The following DAB1 variants were observed in gnomAD, a reference collection of about 807,000 sequenced individuals.
The protein encoded by DAB1 is DAB adaptor protein 1.
In DAB1, 15 loss-of-function variants were observed where a neutral mutation model predicts 64.6. The ratio of observed to expected loss-of-function variants is 0.23; its 90% confidence interval spans 0.16 to 0.36. DAB1 has a LOEUF of 0.36. Among genes scored for constraint, DAB1 ranks in the 10% least tolerant of loss-of-function variants. The pLI is 1.00. For missense variants in DAB1, 596 were observed against 706.7 expected (o/e 0.84, Z 1.78); for synonymous variants, 235 against 251.9 (o/e 0.93, Z 0.64).
intron 4 of DAB1, among the ~76,000 whole-genome samples, chr1:57,107,128 A>C (rs1005814919): frequency 1.3e-5 from 2 of 152,100 alleles, no homozygotes; most frequent in African/African-American, 2.4e-5. Flanking sequence ...TAATCCCAGC[A>C]CTTTGGGGGG....
At chr1:57,508,837 T>C (rs568297301) in intron 7 of DAB1, among the ~76,000 whole-genome samples, 1 of 152,240 alleles carries the variant, frequency 6.6e-6, no homozygotes, top group East Asian at 1.9e-4. Context: ...TGTATGAATA[T>C]TTATATATGT....
At chr1:58,268,793 C>T (rs2100424870) in intron 4 of DAB1, among the ~76,000 whole-genome samples, 1 of 152,180 alleles carries the variant, frequency 6.6e-6, no homozygotes, top group South Asian at 2.1e-4. Flanking sequence ...TCTTAAAAGT[C>T]CCCAAATAGC....
chr1:57,763,536 G>T (rs192296585), intron 6 of DAB1, among the ~76,000 whole-genome samples: 2 of 152,180 alleles, frequency 1.3e-5, no homozygotes, highest in African/African-American at 4.8e-5. Flanking sequence ...AAAATTAGCT[G>T]GGTGTGGTGG....
chr1:58,292,079 G>T (rs923819199), intron 4 of DAB1, among the ~76,000 whole-genome samples: 13 of 152,168 alleles, frequency 8.5e-5, no homozygotes, highest in Admixed American at 3.3e-4. Flanking sequence ...CTCAGTGCTT[G>T]ATTGGGGAAA....
chr1:57,491,766 T>TA (rs894494383), intron 7 of DAB1, among the ~76,000 whole-genome samples: 19 of 152,168 alleles, frequency 1.2e-4, no homozygotes, highest in African/African-American at 4.3e-4. Flanking sequence ...AGGAGAGGTT[T>TA]CCCACGTAGC....
intron 5 of DAB1, among the ~76,000 whole-genome samples, chr1:58,084,115 T>G (rs1650162189): frequency 6.6e-6 from 1 of 152,184 alleles, no homozygotes; most frequent in African/African-American, 2.4e-5. Context: ...TGTAAAGACT[T>G]AAATAGTTTT....
At position 58,496,396 on chromosome 1, in the gene DAB1, C is replaced by G. The variant is rs147317822; in HGVS notation, n.257+9664G>C. ...TCTGTCACTTTCAGTGCAGTTAAAT[C>G]AACCTTATCATGCCAGCTTCAGGTG... On this transcript the variant is annotated intron_variant and non_coding_transcript_variant, in intron 3 of 20. Coordinates refer to the DAB1 transcript ENST00000485760. 2.6e-3 allele frequency among the ~76,000 whole-genome samples: 400 copies of G among 152,312 alleles called. 10 individuals are homozygous for G. The East Asian group carries it at 0.05, about 19-fold the overall frequency.
chr1:57,305,829 C>T (rs768671998), intron 1 of DAB1, among the ~76,000 whole-genome samples: 54 of 151,840 alleles, frequency 3.6e-4, no homozygotes, highest in South Asian at 1.5e-3. Flanking sequence ...ATTAGCCGGG[C>T]GCGGTTACGG....
chr1:57,340,553 C>A (rs553714958), intron 1 of DAB1, among the ~76,000 whole-genome samples: 1 of 152,338 alleles, frequency 6.6e-6, no homozygotes, highest in East Asian at 1.9e-4. Context: ...TAACCATTTG[C>A]TAGGCTATGT....
intron 1 of DAB1, among the ~76,000 whole-genome samples, chr1:57,343,342 G>C (rs186091433): frequency 6.6e-6 from 1 of 152,180 alleles, no homozygotes; most frequent in African/African-American, 2.4e-5. Context: ...GCTAGACATA[G>C]AGGTTCTCCA....
intron 2 of DAB1, among the ~76,000 whole-genome samples, chr1:57,214,169 T>C (rs1427547568): frequency 6.6e-6 from 1 of 152,242 alleles, no homozygotes; most frequent in Non-Finnish European, 1.5e-5. Flanking sequence ...GCCAGCAGAC[T>C]TGGTGTCTGG....
At chr1:57,223,607 T>C (rs1168245414) in intron 2 of DAB1, among the ~76,000 whole-genome samples, 1 of 152,132 alleles carries the variant, frequency 6.6e-6, no homozygotes, top group Non-Finnish European at 1.5e-5. Context: ...CAAACAAGGA[T>C]ATGATCCCTG....
chr1:58,485,737 T>C (rs1645566708), intron 3 of DAB1, among the ~76,000 whole-genome samples: 1 of 152,174 alleles, frequency 6.6e-6, no homozygotes, highest in Admixed American at 6.5e-5. Flanking sequence ...TCCTACCATA[T>C]AGCTAGAATA....
intron 1 of DAB1, among the ~76,000 whole-genome samples, chr1:57,842,529 TG>T (rs1478769516): frequency 6.6e-6 from 1 of 151,696 alleles, no homozygotes; most frequent in East Asian, 1.9e-4. Flanking sequence ...AATTTATGAA[TG>T]AAAAAAAAAG....
At chr1:58,150,953 T>C (rs1316091148) in intron 4 of DAB1, among the ~76,000 whole-genome samples, 2 of 152,204 alleles carry the variant, frequency 1.3e-5, no homozygotes, top group Non-Finnish European at 2.9e-5. Context: ...TTTGGTTTTT[T>C]GTCCTTGCGA....
chr1:58,379,790 G>A (rs1641920282), intron 3 of DAB1, among the ~76,000 whole-genome samples: 1 of 152,158 alleles, frequency 6.6e-6, no homozygotes, highest in African/African-American at 2.4e-5. Flanking sequence ...GGAAAACACG[G>A]TATATGGAAG....
At chr1:57,177,722 G>A (rs1662478457) in intron 2 of DAB1, among the ~76,000 whole-genome samples, 1 of 152,040 alleles carries the variant, frequency 6.6e-6, no homozygotes, top group African/African-American at 2.4e-5. Flanking sequence ...TTTTGTTTTG[G>A]TTTGGTTTTT....
intron 7 of DAB1, among the ~76,000 whole-genome samples, chr1:57,478,130 C>T (rs1193773917): frequency 6.6e-6 from 1 of 151,046 alleles, no homozygotes; most frequent in Admixed American, 6.6e-5. Context: ...TCAATTCCCA[C>T]CTAAGGTTGT....
At chr1:58,520,750 C>A (rs1646249079) in intron 2 of DAB1, among the ~76,000 whole-genome samples, 1 of 152,074 alleles carries the variant, frequency 6.6e-6, no homozygotes, top group Non-Finnish European at 1.5e-5. Flanking sequence ...GACCAATCCA[C>A]TAGGAAAATC....
Sources: allele counts gnomAD v4.1 joint callset (sites outside exome capture counted in the v4.1 genomes callset), GRCh38; gene constraint gnomAD v4.1.1; transcripts MANE v1.5; gene names NCBI Gene and HGNC (gene_info 2026-07-23, HGNC 2026-07-21).